The following TTC6 variants were observed in gnomAD, a reference collection of about 807,000 sequenced individuals.
TTC6 encodes tetratricopeptide repeat domain 6.
A neutral mutation model predicts 210.4 loss-of-function variants in TTC6; 172 were observed. The ratio of observed to expected loss-of-function variants is 0.82; its 90% CI spans 0.72 to 0.93. TTC6 has a LOEUF of 0.93. Among genes scored for constraint, TTC6 ranks in the 40% least tolerant of loss-of-function variants. TTC6 has a pLI of 0.00. For missense variants in TTC6, 2,414 were observed against 2,318.1 expected (o/e 1.04, Z -0.85); for synonymous variants, 804 against 819.6 (o/e 0.98, Z 0.32).
chr14:37,786,218 A>G (rs972322270), intron 14 of TTC6, among the ~76,000 whole-genome samples: 1 of 152,208 alleles, frequency 6.6e-6, no homozygotes, highest in Non-Finnish European at 1.5e-5. Context: ...TGCCCGGCCC[A>G]CAGAGGTGGA....
At chr14:37,655,305 A>C (rs2095720099) in intron 1 of TTC6, among the ~76,000 whole-genome samples, 1 of 152,228 alleles carries the variant, frequency 6.6e-6, no homozygotes, top group African/African-American at 2.4e-5. Flanking sequence ...AAAACCATAA[A>C]ATTCTAGGAA....
chr14:37,831,510 A>C (rs921301532), intron 29 of TTC6, among the ~76,000 whole-genome samples: 2 of 152,110 alleles, frequency 1.3e-5, no homozygotes, highest in Non-Finnish European at 2.9e-5. Flanking sequence ...TTTCCATAGT[A>C]GCTCTACTAA....
intron 3 of TTC6, among the ~76,000 whole-genome samples, chr14:37,688,178 G>C (rs2095797413): frequency 6.6e-6 from 1 of 152,218 alleles, no homozygotes; most frequent in Non-Finnish European, 1.5e-5. Flanking sequence ...GTGGGCCTGA[G>C]ATGGCGGTGG....
exon 8 of TTC6, chr14:37,735,979 C>A: frequency 6.5e-7 from 1 of 1,533,986 alleles, no homozygotes; most frequent in Non-Finnish European, 8.7e-7. Context: ...AGTGTCATTA[C>A]TTTACATCAA....
chr14:37,606,705 G>A (rs765520888), exon 2 of TTC6: 44 of 985,248 alleles, frequency 4.5e-5, no homozygotes, highest in Middle Eastern at 5.2e-4. Flanking sequence ...GTGGGGCCCT[G>A]AGTGATGAGG....
intron 2 of TTC6, among the ~76,000 whole-genome samples, chr14:37,609,175 T>C (rs1293990251): frequency 6.6e-6 from 1 of 152,026 alleles, no homozygotes; most frequent in Admixed American, 6.6e-5. Flanking sequence ...CCCAGGCACT[T>C]TGGGAGGCAG....
chr14:37,608,605 C>T (rs1233894084), intron 2 of TTC6, among the ~76,000 whole-genome samples: 2 of 152,118 alleles, frequency 1.3e-5, no homozygotes, highest in Admixed American at 1.3e-4. Context: ...CCAGTGCTTG[C>T]AAGCCTTATC....
At chr14:37,687,769 A>G (rs1219894288) in intron 3 of TTC6, among the ~76,000 whole-genome samples, 8 of 152,104 alleles carry the variant, frequency 5.3e-5, no homozygotes, top group Admixed American at 5.2e-4. Flanking sequence ...CTCCTAACTG[A>G]AAAGTGCTTG....
chr14:37,676,202 G>A (rs2095768931), intron 1 of TTC6, among the ~76,000 whole-genome samples: 2 of 152,074 alleles, frequency 1.3e-5, no homozygotes, highest in East Asian at 1.9e-4. Context: ...AGAATGATTA[G>A]TTAGAGGATC....
At chr14:37,798,154 C>T (rs189780112) in intron 20 of TTC6, among the ~76,000 whole-genome samples, 1 of 152,080 alleles carries the variant, frequency 6.6e-6, no homozygotes, top group Non-Finnish European at 1.5e-5. Flanking sequence ...CTGCCATATA[C>T]ATGTTAAATT....
intron 13 of TTC6, among the ~76,000 whole-genome samples, chr14:37,752,547 C>A (rs959866776): frequency 6.7e-6 from 1 of 150,246 alleles, no homozygotes; most frequent in Non-Finnish European, 1.5e-5. Flanking sequence ...AATATTTGGT[C>A]ATCTCCTTTG....
intron 14 of TTC6, among the ~76,000 whole-genome samples, chr14:37,765,671 A>G (rs191952122): frequency 2.2e-4 from 34 of 152,060 alleles, no homozygotes; most frequent in Admixed American, 6.6e-4. Context: ...TCAAGTTTCC[A>G]TCTAGTGTCT....
At position 37,812,437 on chromosome 14, in the gene TTC6, A is replaced by T. The variant is rs1476491910; in HGVS notation, c.4689+4A>T. ...CCAGTATGGCTTTGCACTAGAGGTA[A>T]GCCTTCCTGTTGTGTAACCCACTTG... On this transcript the variant is annotated splice_donor_region_variant and intron_variant, in intron 25 of 30. Coordinates refer to ENST00000553443, the Ensembl canonical transcript of TTC6. 1 of 1,593,374 alleles carries T rather than the reference A, an allele frequency of 6.3e-7. No homozygotes were observed. The highest frequency in any genetic ancestry group is 8.5e-7 in the Non-Finnish European group (1 of 1,172,574).
chr14:37,786,361 A>G (rs537947409), intron 14 of TTC6, among the ~76,000 whole-genome samples: 2 of 152,328 alleles, frequency 1.3e-5, no homozygotes, highest in South Asian at 2.1e-4. Flanking sequence ...GCTGCCTTGC[A>G]GTTTGATCTC....
chr14:37,694,274 AT>A (rs979948352), intron 3 of TTC6, among the ~76,000 whole-genome samples: 3 of 152,188 alleles, frequency 2.0e-5, no homozygotes, highest in Non-Finnish European at 4.4e-5. Flanking sequence ...AAATCTAACA[AT>A]TTATTTAAAA....
At chr14:37,819,464 C>A (rs1477354541) in intron 26 of TTC6, among the ~76,000 whole-genome samples, 2 of 151,974 alleles carry the variant, frequency 1.3e-5, no homozygotes, top group East Asian at 1.9e-4. Flanking sequence ...TTTGAAGTAT[C>A]CTTTGTATAT....
At position 37,827,168 on chromosome 14, in the gene TTC6, G is replaced by A. The variant is rs565770412; in HGVS notation, c.5128-28G>A. 2.8e-5 allele frequency: 44 copies of A among 1,576,258 alleles called. No homozygotes were observed. In the South Asian group the frequency reaches 4.0e-4, roughly 14 times the overall value. On this transcript the variant is annotated intron_variant, in intron 28 of 30. Transcript: ENST00000553443. Reference sequence around the variant, plus strand: ...TCAGAGGTAAATACTATTCCCCAATGTTAAATAATCATAATATTATACTGC... The same window carrying A: ...TCAGAGGTAAATACTATTCCCCAATATTAAATAATCATAATATTATACTGC...
chr14:37,816,332 C>T (rs944609906), intron 25 of TTC6, among the ~76,000 whole-genome samples: 1 of 152,078 alleles, frequency 6.6e-6, no homozygotes, highest in Non-Finnish European at 1.5e-5. Context: ...CAGCCTCTTC[C>T]CTCTGACATA....
intron 15 of TTC6, 35 bp downstream of exon 17, chr14:37,787,672 C>A: frequency 7.2e-7 from 1 of 1,387,212 alleles, no homozygotes; most frequent in Non-Finnish European, 9.4e-7. Flanking sequence ...TATAGCAACC[C>A]AATCTGAGAT....
Sources: gnomAD v4.1 joint callset for allele counts (sites outside exome capture counted in the v4.1 genomes callset) on GRCh38, gnomAD v4.1.1 for gene constraint, MANE v1.5 for transcripts, NCBI Gene and HGNC (gene_info 2026-07-23, HGNC 2026-07-21) for gene names.